The following MCU variants were observed in gnomAD, a reference collection of about 807,000 sequenced individuals.
The protein encoded by MCU is calcium uniporter protein, mitochondrial.
In MCU, 12 loss-of-function variants were observed where a neutral mutation model predicts 45.2. The observed-to-expected ratio is 0.27, with a 90% CI of 0.17 to 0.43. MCU has a LOEUF of 0.43. MCU is among the 20% of genes least tolerant of loss of function. MCU has a pLI of 1.00. For missense variants in MCU, 324 were observed against 436.7 expected (o/e 0.74, Z 2.30); for synonymous variants, 160 against 165.1 (o/e 0.97, Z 0.24).
intron 1 of MCU, among the ~76,000 whole-genome samples, chr10:72,736,771 C>T (rs1046169833): frequency 2.0e-5 from 3 of 152,148 alleles, no homozygotes; most frequent in Non-Finnish European, 4.4e-5. Context: ...GCTTCCTTTG[C>T]CTTAGCTCAA....
chr10:72,750,478 ATTTAGGCTTC>A (rs753317890), intron 1 of MCU, among the ~76,000 whole-genome samples: 1 of 152,216 alleles, frequency 6.6e-6, no homozygotes, highest in Non-Finnish European at 1.5e-5. Flanking sequence ...CAGTACGCTT[ATTTAGGCTTC>A]TTGTTAACCA....
At chr10:72,859,408 G>C in intron 3 of MCU, 61 bp downstream of exon 3, 1 of 1,475,274 alleles carries the variant, frequency 6.8e-7, no homozygotes. Context: ...ACCATTTCTA[G>C]ACACATACAT....
chr10:72,835,027 T>C lies in MCU; in HGVS notation c.220+599T>C, dbSNP rs151281770. The stretch of plus-strand genomic sequence containing the variant: ...CACCATCTTTGGTGTTTTCTAACCA[T>C]TGGGTCTTCACATTATGGATAATGA... On this transcript the variant is annotated intron_variant, in intron 2 of 7. Coordinates refer to ENST00000373053, the MANE Select transcript of MCU (RefSeq NM_138357.3). 1.3e-3 allele frequency among the ~76,000 whole-genome samples: 197 copies of C among 152,322 alleles called. 3 individuals carry two copies. The highest frequency in any genetic ancestry group is 4.4e-3 in the African/African-American group (184 of 41,580).
intron 1 of MCU, among the ~76,000 whole-genome samples, chr10:72,806,817 A>G (rs1441507736): frequency 6.6e-6 from 1 of 152,220 alleles, no homozygotes; most frequent in Non-Finnish European, 1.5e-5. Context: ...CAATCATGCA[A>G]AAAGAATCTA....
chr10:72,734,239 C>A (rs1198622443), intron 1 of MCU, among the ~76,000 whole-genome samples: 3 of 152,008 alleles, frequency 2.0e-5, no homozygotes, highest in Admixed American at 2.0e-4. Context: ...GAGCAAGATC[C>A]TGTTTCTAAA....
intron 4 of MCU, among the ~76,000 whole-genome samples, chr10:72,866,554 G>A (rs937661371): frequency 3.3e-5 from 5 of 152,108 alleles, no homozygotes; most frequent in South Asian, 2.1e-4. Context: ...GCACCACCAC[G>A]CCCAGCTAAT....
intron 1 of MCU, among the ~76,000 whole-genome samples, chr10:72,806,064 C>T (rs775643005): frequency 1.4e-5 from 2 of 147,898 alleles, no homozygotes; most frequent in Non-Finnish European, 3.0e-5. Flanking sequence ...TAGGGAATTT[C>T]AAAAAGCCAA....
chr10:72,763,164 CAA>C (rs1843678589), intron 1 of MCU, among the ~76,000 whole-genome samples: 1 of 152,146 alleles, frequency 6.6e-6, no homozygotes, highest in Non-Finnish European at 1.5e-5. Flanking sequence ...ATCCTGGGTG[CAA>C]ACTTTTTCAT....
At chr10:72,795,866 C>T (rs1296229477) in intron 1 of MCU, among the ~76,000 whole-genome samples, 1 of 151,878 alleles carries the variant, frequency 6.6e-6, no homozygotes, top group Non-Finnish European at 1.5e-5. Flanking sequence ...GGTGTGGTGG[C>T]GGGCGCCTGT....
chr10:72,885,705 C>G (rs1267846724), intron 7 of MCU, 40 bp from the exon 8 acceptor site: 1 of 1,340,874 alleles, frequency 7.5e-7, no homozygotes, highest in Non-Finnish European at 1.1e-6. Context: ...TCATTGAAAG[C>G]TTCACTAGCC....
chr10:72,735,673 G>C (rs1843243397), intron 1 of MCU, among the ~76,000 whole-genome samples: 1 of 152,210 alleles, frequency 6.6e-6, no homozygotes, highest in African/African-American at 2.4e-5. Context: ...TTGTAAGGTA[G>C]AGTGGACTGC....
intron 1 of MCU, among the ~76,000 whole-genome samples, chr10:72,710,913 C>T (rs1842884775): frequency 6.6e-6 from 1 of 152,110 alleles, no homozygotes; most frequent in African/African-American, 2.4e-5. Context: ...CGCAGTGGCT[C>T]ATGCCTGTAA....
chr10:72,778,827 C>T (rs1175908275), intron 1 of MCU, among the ~76,000 whole-genome samples: 5 of 150,934 alleles, frequency 3.3e-5, no homozygotes, highest in Non-Finnish European at 7.4e-5. Flanking sequence ...AAGGATTTTT[C>T]AGTATATGAT....
chr10:72,755,890 TTA>T (rs2132716228), intron 1 of MCU, among the ~76,000 whole-genome samples: 1 of 151,912 alleles, frequency 6.6e-6, no homozygotes, highest in South Asian at 2.1e-4. Context: ...TTACCCAGGC[TTA>T]GAGTGCAGTG....
At chr10:72,876,065 GAA>G (rs1845612432) in intron 6 of MCU, among the ~76,000 whole-genome samples, 1 of 152,068 alleles carries the variant, frequency 6.6e-6, no homozygotes, top group Non-Finnish European at 1.5e-5. Context: ...TGGCAATAAT[GAA>G]AAAAGTGTTG....
intron 1 of MCU, among the ~76,000 whole-genome samples, chr10:72,812,736 G>A (rs144307987): frequency 1.3e-5 from 2 of 148,718 alleles, no homozygotes; most frequent in Admixed American, 6.8e-5. Flanking sequence ...TTGTTGCAAA[G>A]CAATGTAAAG....
chr10:72,737,137 C>T (rs896605985), intron 1 of MCU, among the ~76,000 whole-genome samples: 2 of 152,116 alleles, frequency 1.3e-5, no homozygotes, highest in Non-Finnish European at 2.9e-5. Flanking sequence ...GATACTATAG[C>T]GGTTGTTGAT....
chr10:72,715,158 C>T, intron 1 of MCU: 2 of 985,476 alleles, frequency 2.0e-6, no homozygotes, highest in Non-Finnish European at 2.4e-6. Flanking sequence ...CCGTTTCTAC[C>T]TCACTCTCCA....
intron 1 of MCU, among the ~76,000 whole-genome samples, chr10:72,735,089 T>A (rs1489463789): frequency 1.4e-4 from 20 of 143,046 alleles, no homozygotes; most frequent in Non-Finnish European, 2.4e-4. Context: ...AAAAAAAAAA[T>A]TCGTCTGTGT....
Sources: gnomAD v4.1 joint callset for allele counts (sites outside exome capture counted in the v4.1 genomes callset) on GRCh38, gnomAD v4.1.1 for gene constraint, MANE v1.5 for transcripts, NCBI Gene and HGNC (gene_info 2026-07-23, HGNC 2026-07-21) for gene names.